ROBO2: variants seen among roughly 807,000 people sequenced by gnomAD.
ROBO2 encodes the protein roundabout homolog 2.
ROBO2 carries 53 observed loss-of-function variants against 160.8 expected under a neutral mutation model. The observed-to-expected ratio is 0.33, with a 90% CI of 0.26 to 0.41. The LOEUF is 0.41. Among genes scored for constraint, ROBO2 ranks in the 10% least tolerant of loss-of-function variants. The probability of loss-of-function intolerance (pLI) is 1.00; values close to 1 mark genes in which losing one functional copy is unlikely to be tolerated. For missense variants in ROBO2, 1,577 were observed against 1,722.4 expected (o/e 0.92, Z 1.49); for synonymous variants, 664 against 611.7 (o/e 1.09, Z -1.26).
chr3:76,124,558 GT>G (rs998736872), intron 2 of ROBO2, among the ~76,000 whole-genome samples: 3 of 151,952 alleles, frequency 2.0e-5, no homozygotes, highest in Non-Finnish European at 2.9e-5. Context: ...ATGTAAAAAT[GT>G]TTTTTCTCGA....
At chr3:77,120,461 T>C (rs2074640453) in intron 2 of ROBO2, among the ~76,000 whole-genome samples, 2 of 152,222 alleles carry the variant, frequency 1.3e-5, no homozygotes, top group South Asian at 4.1e-4. Context: ...TGATCATATG[T>C]TAATATTAAG....
chr3:76,509,339 CAGAG>C (rs374240336), intron 2 of ROBO2, among the ~76,000 whole-genome samples: 1 of 151,898 alleles, frequency 6.6e-6, no homozygotes, highest in Non-Finnish European at 1.5e-5. Flanking sequence ...GGAGCAGAGC[CAGAG>C]AGAGAGAAAG....
At chr3:76,713,421 G>A (rs878949595) in intron 2 of ROBO2, among the ~76,000 whole-genome samples, 1 of 151,720 alleles carries the variant, frequency 6.6e-6, no homozygotes, top group South Asian at 2.1e-4. Context: ...TTTTTTCTTA[G>A]TCACTTGGCT....
chr3:77,296,353 G>A (rs2062116647), intron 2 of ROBO2, among the ~76,000 whole-genome samples: 2 of 152,136 alleles, frequency 1.3e-5, no homozygotes, highest in African/African-American at 2.4e-5. Context: ...CAGACATAAA[G>A]TAAAATTGAC....
At chr3:77,595,047 A>C (rs1583172405) in intron 17 of ROBO2, 95 bp from the exon 19 acceptor site, 1 of 945,464 alleles carries the variant, frequency 1.1e-6, no homozygotes, top group East Asian at 2.4e-5. Flanking sequence ...CAGAGGCCTC[A>C]GCTCTAAACT....
chr3:76,839,047 G>A (rs997309359), intron 2 of ROBO2, among the ~76,000 whole-genome samples: 1 of 152,092 alleles, frequency 6.6e-6, no homozygotes, highest in Non-Finnish European at 1.5e-5. Flanking sequence ...CAATCTAGAT[G>A]TTCTTTAAAA....
At chr3:76,883,424 A>G (rs548697986) in intron 2 of ROBO2, among the ~76,000 whole-genome samples, 4 of 152,290 alleles carry the variant, frequency 2.6e-5, no homozygotes, top group Admixed American at 6.5e-5. Flanking sequence ...GCAAAGCCCT[A>G]TAATATGCTA....
chr3:76,446,085 A>T (rs2077166382), intron 2 of ROBO2, among the ~76,000 whole-genome samples: 1 of 152,184 alleles, frequency 6.6e-6, no homozygotes, highest in Admixed American at 6.5e-5. Flanking sequence ...AATTAGGAAA[A>T]GAGGAAGTCA....
intron 2 of ROBO2, among the ~76,000 whole-genome samples, chr3:77,109,718 C>A (rs1234343175): frequency 1.3e-5 from 2 of 152,334 alleles, no homozygotes; most frequent in East Asian, 3.9e-4. Context: ...CTATTATTTT[C>A]TCTCTATTGT....
rs1319486540 is a variant in ROBO2 at position 76,194,349 on chromosome 3, TGTAA to T, written c.109+256748_109+256751del. ...TATATCTATATAAATATGTATGGTGTGTAAATATATATATATATATATATATATA... is the reference window on the plus strand; with the variant it reads ...TATATCTATATAAATATGTATGGTGTATATATATATATATATATATATATA... On this transcript the variant is annotated intron_variant, in intron 2 of 26. Coordinates refer to the ROBO2 transcript ENST00000487694. 4.7e-3 allele frequency among the ~76,000 whole-genome samples: 167 copies of T among 35,770 alleles called. 2 individuals carry two copies. The highest frequency in any genetic ancestry group is 0.019 in the African/African-American group (144 of 7,768). 23.5% of individuals were successfully genotyped at this position (35,770 alleles called of 152,430 possible).
chr3:77,011,902 TATA>T (rs777823025), intron 2 of ROBO2, among the ~76,000 whole-genome samples: 13 of 152,152 alleles, frequency 8.5e-5, no homozygotes, highest in Non-Finnish European at 1.5e-4. Flanking sequence ...GGTGTCATGA[TATA>T]ATAAGAAAAG....
intron 2 of ROBO2, among the ~76,000 whole-genome samples, chr3:76,839,116 A>G (rs1352374117): frequency 6.6e-6 from 1 of 152,174 alleles, no homozygotes; most frequent in Non-Finnish European, 1.5e-5. Flanking sequence ...ATGGCAGAGC[A>G]AAGGAAAGTA....
intron 2 of ROBO2, among the ~76,000 whole-genome samples, chr3:76,812,174 C>A (rs934280166): frequency 2.6e-5 from 4 of 151,696 alleles, no homozygotes; most frequent in Admixed American, 6.6e-5. Context: ...TGCCCAGCCT[C>A]ATTTTTTTAG....
At chr3:76,986,905 A>G (rs996453159) in intron 2 of ROBO2, among the ~76,000 whole-genome samples, 2 of 152,224 alleles carry the variant, frequency 1.3e-5, no homozygotes, top group African/African-American at 4.8e-5. Context: ...TACAACAAAC[A>G]GCTAGAAAGA....
chr3:76,558,027 C>T (rs890013245), intron 2 of ROBO2, among the ~76,000 whole-genome samples: 19 of 151,894 alleles, frequency 1.3e-4, no homozygotes, highest in African/African-American at 4.3e-4. Flanking sequence ...ACAATTACCA[C>T]AAAAACACCA....
At chr3:76,493,337 T>TTATATATA (rs57835432) in intron 2 of ROBO2, among the ~76,000 whole-genome samples, 1,674 of 104,756 alleles carry the variant, frequency 0.016, 46 homozygotes, top group Non-Finnish European at 0.017. Context: ...AGACAAAAAA[T>TTATATATA]TATATATATA....
intron 2 of ROBO2, among the ~76,000 whole-genome samples, chr3:77,194,239 T>TG (rs746125130): frequency 7.9e-5 from 12 of 152,204 alleles, no homozygotes; most frequent in Non-Finnish European, 1.8e-4. Flanking sequence ...CCAGATTCTC[T>TG]GGGGGTCTCT....
chr3:75,993,184 C>T (rs543919189), intron 2 of ROBO2, among the ~76,000 whole-genome samples: 3 of 152,016 alleles, frequency 2.0e-5, no homozygotes, highest in Non-Finnish European at 2.9e-5. Context: ...GTCCAGGGGC[C>T]GAATTATATA....
At chr3:76,838,651 T>C (rs2067933724) in intron 2 of ROBO2, among the ~76,000 whole-genome samples, 1 of 152,072 alleles carries the variant, frequency 6.6e-6, no homozygotes, top group South Asian at 2.1e-4. Flanking sequence ...CAACATTAAA[T>C]CGCTGTAGTT....
Sources: allele counts gnomAD v4.1 joint callset (sites outside exome capture counted in the v4.1 genomes callset), GRCh38; gene constraint gnomAD v4.1.1; transcripts MANE v1.5; gene names NCBI Gene and HGNC (gene_info 2026-07-23, HGNC 2026-07-21).